GCSAML: variants seen among roughly 807,000 people sequenced by gnomAD.
GCSAML encodes the protein germinal center-associated signaling and motility-like protein.
A neutral mutation model predicts 13.0 loss-of-function variants in GCSAML; 9 were observed. That is an observed-to-expected ratio of 0.69 (90% CI 0.42 to 1.21). The LOEUF (loss-of-function observed/expected upper bound fraction) is 1.21. Ranked by LOEUF, GCSAML falls within the 50% of genes most tolerant of loss-of-function variation. GCSAML has a pLI of 0.00. For synonymous variants in GCSAML, 37 were observed against 52.9 expected (o/e 0.70, Z 1.31); for missense variants, 143 against 153.4 (o/e 0.93, Z 0.36).
At chr1:247,530,987 C>G (rs921039503) in intron 2 of GCSAML, 1 of 153,608 alleles carries the variant, frequency 6.5e-6, no homozygotes, top group African/African-American at 2.4e-5. Context: ...GGGGTCCAGG[C>G]TGGGGGAGGC....
chr1:247,574,057 T>A, intron 4 of GCSAML, 86 bp from the exon 5 acceptor site: 1 of 1,458,088 alleles, frequency 6.9e-7, no homozygotes, highest in Non-Finnish European at 9.4e-7. Context: ...CCATCAGGTG[T>A]ATAAAGAAGA....
chr1:247,553,127 C>T (rs993625005), intron 1 of GCSAML, among the ~76,000 whole-genome samples: 2 of 152,142 alleles, frequency 1.3e-5, no homozygotes, highest in African/African-American at 4.8e-5. Context: ...TTCTTTAATG[C>T]ATTCTGATAG....
At chr1:247,513,976 A>G (rs1461021006) in intron 1 of GCSAML, among the ~76,000 whole-genome samples, 15 of 147,064 alleles carry the variant, frequency 1.0e-4, no homozygotes, top group Admixed American at 2.7e-4. Flanking sequence ...GTCAGCCACA[A>G]CCCCCCCACC....
chr1:247,536,750 A>C (rs568416603), intron 2 of GCSAML, among the ~76,000 whole-genome samples: 2 of 152,190 alleles, frequency 1.3e-5, no homozygotes, highest in South Asian at 4.1e-4. Context: ...TAGTTTTTAT[A>C]CTGCCAAACT....
chr1:247,539,062 T>C (rs1394440066), intron 2 of GCSAML, among the ~76,000 whole-genome samples: 1 of 152,160 alleles, frequency 6.6e-6, no homozygotes, highest in Non-Finnish European at 1.5e-5. Flanking sequence ...ACTGAAATGA[T>C]GAGTTTTGTG....
chr1:247,571,084 G>T (rs1433856391), intron 4 of GCSAML, among the ~76,000 whole-genome samples: 1 of 152,090 alleles, frequency 6.6e-6, no homozygotes, highest in Non-Finnish European at 1.5e-5. Flanking sequence ...TATTTTGAGT[G>T]TATGTGTGTC....
At chr1:247,554,924 A>G (rs1667900918) in intron 1 of GCSAML, among the ~76,000 whole-genome samples, 1 of 152,192 alleles carries the variant, frequency 6.6e-6, no homozygotes, top group Non-Finnish European at 1.5e-5. Flanking sequence ...TGGCCAAGAT[A>G]CATCTAAAGC....
At chr1:247,547,075 CCTG>C (rs1222491832), upstream of GCSAML, among the ~76,000 whole-genome samples, 7 of 151,998 alleles carry the variant, frequency 4.6e-5, no homozygotes, top group Non-Finnish European at 1.0e-4. Context: ...TGTACTCCAG[CCTG>C]GGCAACAGAA....
At chr1:247,551,362 G>T (rs759727087) in intron 1 of GCSAML, among the ~76,000 whole-genome samples, 5 of 152,208 alleles carry the variant, frequency 3.3e-5, no homozygotes, top group Admixed American at 3.3e-4. Context: ...AATAATTGGA[G>T]CATATTGTTC....
At chr1:247,569,552 G>C (rs1487367433) in intron 4 of GCSAML, among the ~76,000 whole-genome samples, 2 of 152,130 alleles carry the variant, frequency 1.3e-5, no homozygotes, top group African/African-American at 4.8e-5. Context: ...CCCAGGGATG[G>C]AGCCGACTTG....
intron 3 of GCSAML, among the ~76,000 whole-genome samples, chr1:247,564,364 T>A (rs1463230234): frequency 6.8e-6 from 1 of 146,614 alleles, no homozygotes; most frequent in African/African-American, 2.6e-5. Flanking sequence ...GCCTGAGCAA[T>A]GTAGCAAGAG....
At chr1:247,565,712 C>A in intron 3 of GCSAML, 1 of 495,230 alleles carries the variant, frequency 2.0e-6, no homozygotes. Context: ...ACTATTGATG[C>A]TATCTCAGAA....
intron 2 of GCSAML, among the ~76,000 whole-genome samples, chr1:247,543,253 T>C (rs891146351): frequency 2.0e-5 from 3 of 152,250 alleles, no homozygotes; most frequent in Non-Finnish European, 2.9e-5. Context: ...TAGTTATTGA[T>C]ATATTAGTAT....
chr1:247,534,871 G>T (rs1198878830), intron 2 of GCSAML, among the ~76,000 whole-genome samples: 1 of 152,162 alleles, frequency 6.6e-6, no homozygotes, highest in Admixed American at 6.5e-5. Flanking sequence ...CTAGGCATTT[G>T]TTAAAATTCA....
chr1:247,565,273 G>A (rs572474128), intron 3 of GCSAML, among the ~76,000 whole-genome samples: 14 of 151,974 alleles, frequency 9.2e-5, no homozygotes, highest in African/African-American at 2.4e-4. Context: ...CAGGAGAATC[G>A]CTTGAACCCA....
chr1:247,545,764 G>A (rs183700563), upstream of GCSAML, among the ~76,000 whole-genome samples: 991 of 152,258 alleles, frequency 6.5e-3, 7 homozygotes, highest in Middle Eastern at 0.02. Context: ...ATTGAGCTGT[G>A]TGAGTTCCTT....
At chr1:247,530,516 A>AGCCC (rs753278779) in intron 2 of GCSAML, 1 of 58,572 alleles carries the variant, frequency 1.7e-5, no homozygotes, top group Admixed American at 1.7e-4. Context: ...ACACCATGCC[A>AGCCC]TCCCCCCCCC....
intron 2 of GCSAML, among the ~76,000 whole-genome samples, chr1:247,558,872 A>G (rs1382556055): frequency 6.6e-6 from 1 of 151,832 alleles, no homozygotes; most frequent in African/African-American, 2.4e-5. Flanking sequence ...ATTGTTTTAT[A>G]GTCTTGAATA....
At chr1:247,530,338 T>C (rs1361153501) in intron 2 of GCSAML, 1 of 152,202 alleles carries the variant, frequency 6.6e-6, no homozygotes, top group Non-Finnish European at 1.5e-5. Context: ...AAAGACTAGC[T>C]GTTGTAAATT....
Sources: gnomAD v4.1 joint callset for allele counts (sites outside exome capture counted in the v4.1 genomes callset) on GRCh38, gnomAD v4.1.1 for gene constraint, MANE v1.5 for transcripts, NCBI Gene and HGNC (gene_info 2026-07-23, HGNC 2026-07-21) for gene names.